LRRC4C: variants seen among roughly 807,000 people sequenced by gnomAD.
LRRC4C encodes the protein leucine rich repeat containing 4C, also known as leucine-rich repeat-containing protein 4C.
A neutral mutation model predicts 33.6 loss-of-function variants in LRRC4C; 5 were observed. That is an observed-to-expected ratio of 0.15 (90% CI 0.08 to 0.31). The LOEUF (loss-of-function observed/expected upper bound fraction) is 0.31. Ranked by LOEUF, LRRC4C falls within the 10% of genes least tolerant of loss-of-function variation. The pLI, the probability that LRRC4C is intolerant of heterozygous loss-of-function variation, is 1.00. For missense variants in LRRC4C, 560 were observed against 796.7 expected (o/e 0.70, Z 3.58); for synonymous variants, 329 against 302.0 (o/e 1.09, Z -0.93).
intron 1 of LRRC4C, among the ~76,000 whole-genome samples, chr11:41,177,579 C>T (rs1236994129): frequency 2.0e-5 from 3 of 152,120 alleles, no homozygotes; most frequent in African/African-American, 7.2e-5. Context: ...TATCTTGATA[C>T]TTAAGTGAAT....
At position 41,434,228 on chromosome 11, in the gene LRRC4C, C is replaced by A. The variant is rs1955344929; in HGVS notation, c.-496+25203G>T. On this transcript the variant is annotated intron_variant, in intron 1 of 6. Coordinates refer to ENST00000528697, the MANE Select transcript of LRRC4C (RefSeq NM_001258419.2). ...AAAAATTTGGAAAGCACTGCCACAT[C>A]CTTTGGTTTCCTCTCACTCTGAAAC... Among the ~76,000 whole-genome samples, 4 of 152,152 alleles carry A rather than the reference C, an allele frequency of 2.6e-5. No homozygotes were observed. The South Asian group carries it at 8.3e-4, about 31-fold the overall frequency.
chr11:40,751,349 T>A (rs1022673043), intron 2 of LRRC4C, among the ~76,000 whole-genome samples: 2 of 152,038 alleles, frequency 1.3e-5, no homozygotes, highest in Admixed American at 1.3e-4. Context: ...GCTGCTATAA[T>A]CTTATATTTA....
intron 2 of LRRC4C, among the ~76,000 whole-genome samples, chr11:40,851,238 G>A (rs1295398017): frequency 1.3e-5 from 2 of 152,028 alleles, no homozygotes; most frequent in Non-Finnish European, 2.9e-5. Flanking sequence ...ACCCAGTTTT[G>A]TGCTTGAAAC....
chr11:41,424,472 A>C (rs1428309764), intron 1 of LRRC4C, among the ~76,000 whole-genome samples: 1 of 152,078 alleles, frequency 6.6e-6, no homozygotes, highest in Non-Finnish European at 1.5e-5. Flanking sequence ...GAAAAATAGA[A>C]GGATTTAAAA....
chr11:41,438,514 G>A (rs1955513556), intron 1 of LRRC4C, among the ~76,000 whole-genome samples: 1 of 152,130 alleles, frequency 6.6e-6, no homozygotes, highest in African/African-American at 2.4e-5. Flanking sequence ...AAAGGAAATT[G>A]GGATATAAAC....
At chr11:40,130,765 G>T (rs1213242606) in intron 6 of LRRC4C, among the ~76,000 whole-genome samples, 1 of 152,156 alleles carries the variant, frequency 6.6e-6, no homozygotes, top group Non-Finnish European at 1.5e-5. Context: ...ATCTCCCACT[G>T]TTCTTAATAC....
chr11:41,009,502 G>C (rs1434414358), intron 1 of LRRC4C, among the ~76,000 whole-genome samples: 1 of 151,988 alleles, frequency 6.6e-6, no homozygotes, highest in African/African-American at 2.4e-5. Context: ...TAACAGTTGT[G>C]TAGCCACAGG....
chr11:40,421,029 G>A (rs1172711941), intron 3 of LRRC4C, among the ~76,000 whole-genome samples: 1 of 150,954 alleles, frequency 6.6e-6, no homozygotes, highest in Non-Finnish European at 1.5e-5. Context: ...AGTGAATTAG[G>A]TAAACCTTGA....
chr11:40,745,774 GA>G (rs1482823425), intron 2 of LRRC4C, among the ~76,000 whole-genome samples: 1 of 152,116 alleles, frequency 6.6e-6, no homozygotes, highest in East Asian at 1.9e-4. Context: ...TGACTTGTGT[GA>G]AACTGACTCA....
chr11:41,304,834 C>G (rs1565565511), intron 1 of LRRC4C, among the ~76,000 whole-genome samples: 1 of 103,272 alleles, frequency 9.7e-6, no homozygotes, highest in African/African-American at 4.2e-5. Flanking sequence ...GTCAGCCCCC[C>G]GCCCGGCCAG....
chr11:40,472,462 T>C (rs1393141674), intron 3 of LRRC4C, among the ~76,000 whole-genome samples: 1 of 148,072 alleles, frequency 6.8e-6, no homozygotes, highest in East Asian at 2.0e-4. Flanking sequence ...GCTAAAGAAG[T>C]GTTTAGAGGG....
intron 2 of LRRC4C, among the ~76,000 whole-genome samples, chr11:40,820,223 A>C (rs994957845): frequency 7.9e-5 from 12 of 152,084 alleles, no homozygotes; most frequent in Non-Finnish European, 1.5e-5. Flanking sequence ...AAATGCTTGA[A>C]AGAAGTATTA....
chr11:41,353,585 C>G (rs770173551), intron 1 of LRRC4C, among the ~76,000 whole-genome samples: 3 of 152,022 alleles, frequency 2.0e-5, no homozygotes, highest in South Asian at 4.1e-4. Context: ...AAACTTGAAG[C>G]CAATATGTCT....
intron 2 of LRRC4C, among the ~76,000 whole-genome samples, chr11:40,703,412 T>A (rs1945978101): frequency 6.6e-6 from 1 of 152,026 alleles, no homozygotes. Flanking sequence ...TCTACAAAAA[T>A]ATAAAAAATA....
chr11:41,320,237 T>C (rs1950918164), intron 1 of LRRC4C, among the ~76,000 whole-genome samples: 1 of 152,238 alleles, frequency 6.6e-6, no homozygotes, highest in Admixed American at 6.5e-5. Context: ...AGGTGTTTCA[T>C]ATGAAAGCTT....
chr11:40,227,940 T>C (rs1474102341), intron 5 of LRRC4C, among the ~76,000 whole-genome samples: 1 of 152,166 alleles, frequency 6.6e-6, no homozygotes, highest in Non-Finnish European at 1.5e-5. Context: ...TTAACCCACA[T>C]AAACCAGAGA....
intron 1 of LRRC4C, among the ~76,000 whole-genome samples, chr11:41,231,130 A>T (rs1035200114): frequency 1.1e-4 from 17 of 152,188 alleles, no homozygotes; most frequent in African/African-American, 3.9e-4. Context: ...GCTGGAGAGG[A>T]TGTGGAGAAA....
chr11:41,360,338 T>C (rs771182427), intron 1 of LRRC4C, among the ~76,000 whole-genome samples: 3 of 152,188 alleles, frequency 2.0e-5, no homozygotes, highest in Non-Finnish European at 4.4e-5. Flanking sequence ...TCACTATACC[T>C]ACATCTATGA....
intron 2 of LRRC4C, among the ~76,000 whole-genome samples, chr11:40,840,044 C>A (rs1952845735): frequency 6.6e-6 from 1 of 152,092 alleles, no homozygotes; most frequent in Admixed American, 6.5e-5. Flanking sequence ...AAAGATCTTA[C>A]ACAGAAACTA....
Sources: gnomAD v4.1 joint callset for allele counts (sites outside exome capture counted in the v4.1 genomes callset) on GRCh38, gnomAD v4.1.1 for gene constraint, MANE v1.5 for transcripts, NCBI Gene and HGNC (gene_info 2026-07-23, HGNC 2026-07-21) for gene names.